The following VARS2 variants were observed in gnomAD, a reference collection of about 807,000 sequenced individuals.
VARS2 encodes the protein valine--tRNA ligase, mitochondrial.
A neutral mutation model predicts 154.1 loss-of-function variants in VARS2; 105 were observed. The observed-to-expected ratio is 0.68, with a 90% CI of 0.58 to 0.80. The LOEUF (loss-of-function observed/expected upper bound fraction) is 0.80, where lower values mean the gene tolerates loss of function less well. Ranked by LOEUF, VARS2 falls within the 30% of genes least tolerant of loss-of-function variation. The pLI is 0.00. For synonymous variants in VARS2, 483 were observed against 539.5 expected (o/e 0.90, Z 1.45); for missense variants, 1,157 against 1,361.4 (o/e 0.85, Z 2.36).
At chr6:30,915,524 C>T in intron 4 of VARS2, 69 bp downstream of exon 4, 1 of 1,515,670 alleles carries the variant, frequency 6.6e-7, no homozygotes, top group Non-Finnish European at 9.1e-7. Flanking sequence ...ACAACTGGAC[C>T]TCAGAGTTGA....
At position 30,921,091 on chromosome 6, in the gene VARS2, C is replaced by G; in HGVS notation, c.1506C>G (p.Leu502=). The change falls in exon 16 of 30, where the codon CTC becomes CTG. Residue 502 remains leucine, a synonymous_variant. Transcript: ENST00000676266. This position sits in a 1 kb window ranked among gnomAD's most constrained non-coding sequence, Gnocchi z 4.6. ...CTGTGGAGTCGGGGGCCCTGGAGCT[C>G]AGTCCCTCCTTCCACCAGAAGAACT... ...AKAVESGALE[L]SPSFHQKNWQ... is the part of the protein sequence containing the mutation. The G allele has an allele frequency of 6.2e-7, 1 of 1,613,754 alleles. No homozygotes were observed. The highest frequency in any genetic ancestry group is 1.1e-5 in the South Asian group (1 of 91,018).
chr6:30,919,129 T>G lies in VARS2; in HGVS notation c.1074+214T>G. The G allele has an allele frequency of 1.9e-6, 1 of 524,052 alleles. No individual in the cohort carries two copies. The highest frequency in any genetic ancestry group is 3.2e-5 in the Admixed American group (1 of 31,414). 32.5% of individuals were successfully genotyped at this position (524,052 alleles called of 1,614,324 possible). On this transcript the variant is annotated intron_variant, in intron 11 of 29. Coordinates refer to ENST00000676266, the MANE Select transcript of VARS2 (RefSeq NM_020442.6). This position sits in a 1 kb window ranked among gnomAD's most constrained non-coding sequence, Gnocchi z 4.5. ...ATGGTCCTAATCCAGCTTGCGGCCTTTTTTTTTGAGACAGAGTCTCGCTCT... is the reference window on the plus strand; with the variant it reads ...ATGGTCCTAATCCAGCTTGCGGCCTGTTTTTTTGAGACAGAGTCTCGCTCT...
At chr6:30,915,481 T>C in intron 4 of VARS2, 26 bp downstream of exon 4, 1 of 1,606,370 alleles carries the variant, frequency 6.2e-7, no homozygotes, top group Middle Eastern at 1.9e-4. Flanking sequence ...GGAGGGGTCC[T>C]AAATTGTCTC....
At position 30,924,368 on chromosome 6, in the gene VARS2, C is replaced by T. The variant is rs755641515; in HGVS notation, c.2481C>T (p.Pro827=). The T allele has an allele frequency of 1.5e-5, 24 of 1,612,094 alleles. No homozygotes were observed. The highest frequency in any genetic ancestry group is 1.1e-4 in the African/African-American group (8 of 75,036). Residue 827 remains proline, a synonymous_variant, in exon 26 of 30, where the codon CCC becomes CCT. Coordinates refer to ENST00000676266, the MANE Select transcript of VARS2 (RefSeq NM_020442.6). ...TTCCTCTCCAGGAGGCTGTGAAGCC[C>T]GTGCTGTGGCACTCGCCCCGCCCCC... The part of the protein sequence containing the change: ...LCDVYLEAVK[P]VLWHSPRPLG...
At position 30,917,965 on chromosome 6, in the gene VARS2, T is replaced by C. The variant is rs985012536; in HGVS notation, c.985+159T>C. The stretch of plus-strand genomic sequence containing the variant: ...CTTACCCAGGGTCTTCTGGGGGATG[T>C]ACAAAAAGTGCATGTGGTCACTGCC... On this transcript the variant is annotated intron_variant, in intron 10 of 29. Transcript: ENST00000676266. This position sits in a 1 kb window ranked among gnomAD's most constrained non-coding sequence, Gnocchi z 4.4. Among the ~76,000 whole-genome samples, 2 of 152,210 alleles carry C rather than the reference T, an allele frequency of 1.3e-5. No homozygotes were observed. The highest frequency in any genetic ancestry group is 4.8e-5 in the African/African-American group (2 of 41,452).
At position 30,916,937 on chromosome 6, in the gene VARS2, G is replaced by A. The variant is rs751875106; in HGVS notation, c.731G>A (p.Arg244Gln). The A allele has an allele frequency of 5.6e-6, 9 of 1,614,062 alleles. No individual in the cohort carries two copies. In the South Asian group the frequency reaches 6.6e-5, roughly 12 times the overall value. The change falls in exon 8 of 30, where the codon CGA (arginine) becomes CAA (glutamine). Residue 244 changes from arginine to glutamine, a missense_variant. Arg to Gln is a conservative substitution (Grantham distance 43, BLOSUM62 1). Transcript: ENST00000676266. The surrounding 1 kb of genome is among the most constrained non-coding windows in gnomAD (Gnocchi z 4.0). The part of the protein sequence containing the change: ...RALGASLDWD[R>Q]ECFTMDVGSS... ...CTGGGTGCCTCCCTGGACTGGGATCGAGAGTGTTTTACCATGGATGTTGTG... is the reference window on the plus strand; with the variant it reads ...CTGGGTGCCTCCCTGGACTGGGATCAAGAGTGTTTTACCATGGATGTTGTG...
chr6:30,915,654 C>G (rs1174168867), intron 4 of VARS2, 92 bp from the exon 5 acceptor site: 5 of 1,569,290 alleles, frequency 3.2e-6, no homozygotes, highest in African/African-American at 1.4e-5. Context: ...GACAGTTCTT[C>G]CTTGAAGTTC....
chr6:30,918,754 C>T, intron 10 of VARS2, 73 bp from the exon 11 acceptor site: 1 of 1,252,256 alleles, frequency 8.0e-7, no homozygotes, highest in Non-Finnish European at 1.2e-6. Context: ...TCCAGTTCTA[C>T]TGCCTTTAGC....
chr6:30,919,844 C>A lies in VARS2; in HGVS notation c.1161C>A (p.Gly387=). 1.3e-6 allele frequency: 2 copies of A among 1,574,702 alleles called. No individual in the cohort carries two copies. The highest frequency in any genetic ancestry group is 1.7e-6 in the Non-Finnish European group (2 of 1,155,394). The change falls in exon 12 of 30, where the codon GGC becomes GGA. Residue 387 remains glycine (G), a synonymous_variant. Coordinates refer to ENST00000676266, the MANE Select transcript of VARS2 (RefSeq NM_020442.6). The surrounding 1 kb of genome is among the most constrained non-coding windows in gnomAD (Gnocchi z 4.5). ...ACTATGCTGTTCAGCCACATGTGGG[C>A]ACGGGTGAGTGGAAGTCAGGGGAGG... ...ITDYAVQPHV[G]TGAVKVTPAH...
In VARS2 at chr6:30,922,485, C is replaced by A. The variant is rs1794585352; in HGVS notation, c.1968C>A (p.Gly656=). 1.9e-6 allele frequency: 3 copies of A among 1,598,912 alleles called. No homozygotes were observed. The highest frequency in any genetic ancestry group is 2.2e-5 in the East Asian group (1 of 44,776). The change falls in exon 21 of 30, where the codon GGC becomes GGA. Residue 656 remains glycine (G), a synonymous_variant. Coordinates refer to ENST00000676266, the MANE Select transcript of VARS2 (RefSeq NM_020442.6). The stretch of plus-strand genomic sequence containing the variant: ...ATCCCATGGTTCGGGACAGGCAGGG[C>A]CGGAAGATGAGCAAGTCCCTGGGGA... ...LLHPMVRDRQ[G]RKMSKSLGNV... is the part of the protein sequence containing the mutation.
rs1446817884 is a variant in VARS2 at position 30,918,709 on chromosome 6, T to A, written c.986-118T>A. Reference sequence around the variant, plus strand: ...TTTTTTCTAGTCACTCCTGGGGGCCTCTTCCACCTTGACTACTCCCTGCCC... The same window carrying A: ...TTTTTTCTAGTCACTCCTGGGGGCCACTTCCACCTTGACTACTCCCTGCCC... On this transcript the variant is annotated intron_variant, in intron 10 of 29. Transcript: ENST00000676266. 5.0e-6 allele frequency: 4 copies of A among 792,784 alleles called. No homozygotes were observed. The African/African-American group carries it at 7.2e-5, about 14-fold the overall frequency. The allele number at this position is 792,784 out of a possible 1,614,324, so 49.1% of individuals were successfully genotyped here.
chr6:30,923,756 G>A (rs1220694834), intron 25 of VARS2: 5 of 556,994 alleles, frequency 9.0e-6, no homozygotes, highest in East Asian at 3.0e-5. Context: ...TGACAAGTCG[G>A]TGTCAGAAGG....
In VARS2 at chr6:30,914,334, G is replaced by T; in HGVS notation, c.-38G>T. 8.2e-7 allele frequency: 1 copy of T among 1,213,322 alleles called. No homozygotes were observed. The highest frequency in any genetic ancestry group is 3.2e-5 in the East Asian group (1 of 31,532). 75.2% of individuals were successfully genotyped at this position (1,213,322 alleles called of 1,614,324 possible). On this transcript the variant is annotated 5_prime_UTR_variant, in exon 1 of 30. Transcript: ENST00000676266. ...CCGCGGGGCGCCCTGGGATAGCGGCGGGGCCTCCTGGTGAGCGCGCGCCGG... is the reference window on the plus strand; with the variant it reads ...CCGCGGGGCGCCCTGGGATAGCGGCTGGGCCTCCTGGTGAGCGCGCGCCGG...
Position 30,926,028 on chromosome 6 carries a change from C to A in VARS2, c.3090+20C>A. The A allele has an allele frequency of 6.2e-7, 1 of 1,613,044 alleles. No individual in the cohort carries two copies. Among genetic ancestry groups the A allele is most frequent in the Non-Finnish European group, 8.5e-7 (1 of 1,179,984 alleles). ...CAAAAGGTAAGGCTGAGGGAGGCCC[C>A]CAGAAGGCTCCACCCCTGAGGGAAT... On this transcript the variant is annotated intron_variant, in intron 29 of 29. Transcript: ENST00000676266.
At position 30,917,491 on chromosome 6, in the gene VARS2, G is replaced by A. The variant is rs1794248063; in HGVS notation, c.874-204G>A. Among the ~76,000 whole-genome samples the A allele has an allele frequency of 6.6e-6, 1 of 152,276 alleles. No individual in the cohort carries two copies. The highest frequency in any genetic ancestry group is 2.4e-5 in the African/African-American group (1 of 41,472). On this transcript the variant is annotated intron_variant, in intron 9 of 29. Coordinates refer to ENST00000676266, the MANE Select transcript of VARS2 (RefSeq NM_020442.6). The surrounding 1 kb of genome is among the most constrained non-coding windows in gnomAD (Gnocchi z 4.4). The stretch of plus-strand genomic sequence containing the variant: ...GGTGCTTGGCAAGATACCTGGCCAT[G>A]GCTTAAGTGCTCAGTGAATATTTAT...
At position 30,914,278 on chromosome 6, in the gene VARS2, T is replaced by G; in HGVS notation, c.-94T>G. The stretch of plus-strand genomic sequence containing the variant: ...GCGGCTCCAGGGCCACGTTCCAGGG[T>G]CGGGTTTGGTGGATTCCTCAGTCCC... On this transcript the variant is annotated 5_prime_UTR_variant, in exon 1 of 30. Transcript: ENST00000676266. The G allele has an allele frequency of 4.4e-6, 4 of 906,290 alleles. No individual in the cohort carries two copies. Among genetic ancestry groups the G allele is most frequent in the Non-Finnish European group, 5.8e-6 (4 of 688,982 alleles). The allele number at this position is 906,290 out of a possible 1,614,324, so 56.1% of individuals were successfully genotyped here.
Position 30,920,107 on chromosome 6 carries a change from C to T in VARS2, c.1184C>T (p.Pro395Leu). The T allele has an allele frequency of 6.4e-7, 1 of 1,555,944 alleles. No homozygotes were observed. The highest frequency in any genetic ancestry group is 8.7e-7 in the Non-Finnish European group (1 of 1,153,318). The change falls in exon 13 of 30, where the codon CCA becomes CTA. Residue 395 changes from proline to leucine, a missense_variant. Coordinates refer to ENST00000676266, the MANE Select transcript of VARS2 (RefSeq NM_020442.6). This position sits in a 1 kb window ranked among gnomAD's most constrained non-coding sequence, Gnocchi z 4.6. ...HVGTGAVKVT[P>L]AHSPADAEMG... ...CCCCAAGGGGCAGTGAAGGTGACTC[C>T]AGCTCACAGTCCTGCCGATGCTGAG...
rs950723333 is a variant in VARS2, at chr6:30,916,326, C to T, written c.671+77C>T. ...TGCCTCCCACCACTATCACTCCTGA[C>T]TTGTAATCCTTGGCTCTTCCCGACA... On this transcript the variant is annotated intron_variant, in intron 7 of 29. Coordinates refer to ENST00000676266, the MANE Select transcript of VARS2 (RefSeq NM_020442.6). This position sits in a 1 kb window ranked among gnomAD's most constrained non-coding sequence, Gnocchi z 4.0. 34 of 1,219,340 alleles carry T rather than the reference C, an allele frequency of 2.8e-5. No homozygotes were observed. Among genetic ancestry groups the T allele is most frequent in the Non-Finnish European group, 3.9e-5 (34 of 876,532 alleles). 75.5% of individuals were successfully genotyped at this position (1,219,340 alleles called of 1,614,324 possible).
At chr6:30,922,428 G>T in intron 20 of VARS2, 22 bp from the exon 21 acceptor site, 1 of 1,610,136 alleles carries the variant, frequency 6.2e-7, no homozygotes, top group Non-Finnish European at 8.5e-7. Context: ...ACCCCCCTCT[G>T]TTGACCCCTC....
Sources: gnomAD v4.1 joint callset for allele counts (sites outside exome capture counted in the v4.1 genomes callset) on GRCh38, gnomAD v4.1.1 for gene constraint, Gnocchi (gnomAD v3.1) non-coding constraint, MANE v1.5 for transcripts, NCBI Gene and HGNC (gene_info 2026-07-23, HGNC 2026-07-21) for gene names.